ABCC1: variants seen among roughly 807,000 people sequenced by gnomAD.
ABCC1 encodes the protein multidrug resistance-associated protein 1.
In ABCC1, 83 loss-of-function variants were observed where a neutral mutation model predicts 172.9. That is an observed-to-expected ratio of 0.48 (90% confidence interval 0.40 to 0.58). ABCC1 has a LOEUF of 0.58. Ranked by LOEUF, ABCC1 falls within the 20% of genes least tolerant of loss-of-function variation. The probability of loss-of-function intolerance (pLI) is 0.00; values close to 1 mark genes in which losing one functional copy is unlikely to be tolerated. For missense variants in ABCC1, 1,817 were observed against 2,002.7 expected (o/e 0.91, Z 1.77); for synonymous variants, 937 against 825.2 (o/e 1.14, Z -2.32).
intron 5 of ABCC1, among the ~76,000 whole-genome samples, chr16:16,023,611 A>C (rs750041174): frequency 6.6e-6 from 1 of 152,158 alleles, no homozygotes; most frequent in Non-Finnish European, 1.5e-5. Flanking sequence ...ACAGACCTTG[A>C]CCACTGCCCT....
chr16:15,965,553 A>G (rs1196730671), intron 1 of ABCC1, among the ~76,000 whole-genome samples: 1 of 151,888 alleles, frequency 6.6e-6, no homozygotes, highest in African/African-American at 2.4e-5. Context: ...CGGCCTCCCA[A>G]AGTGCTGGGA....
At chr16:16,102,848 C>A in intron 20 of ABCC1, 131 bp downstream of exon 20, 1 of 797,936 alleles carries the variant, frequency 1.3e-6, no homozygotes, top group Non-Finnish European at 2.0e-6. Flanking sequence ...CCTCCCAAAT[C>A]CTCCAAGGAC....
chr16:16,071,780 C>G, intron 14 of ABCC1, 51 bp downstream of exon 14: 1 of 1,485,626 alleles, frequency 6.7e-7, no homozygotes, highest in South Asian at 1.2e-5. Context: ...TTCCCATCTC[C>G]CACTGGGTCC....
chr16:15,970,898 A>C (rs1396031545), intron 1 of ABCC1, among the ~76,000 whole-genome samples: 1 of 152,160 alleles, frequency 6.6e-6, no homozygotes, highest in African/African-American at 2.4e-5. Flanking sequence ...CCTGGCCTTC[A>C]ACTCAGTCCC....
At chr16:16,072,120 G>T (rs769511044) in intron 14 of ABCC1, among the ~76,000 whole-genome samples, 6 of 151,944 alleles carry the variant, frequency 3.9e-5, no homozygotes, top group Non-Finnish European at 8.8e-5. Flanking sequence ...TTAGGTCTGA[G>T]CCTCAGTTTT....
intron 16 of ABCC1, 92 bp from the exon 17 acceptor site, chr16:16,083,274 G>C (rs923730361): frequency 3.4e-5 from 44 of 1,279,448 alleles, no homozygotes; most frequent in Non-Finnish European, 4.8e-5. Context: ...TGTGAAGTGA[G>C]GCCCTCCTAG....
chr16:16,039,211 GTGTGTGTGTGTGTGTGTGTGTGTATGTA>G (rs1375510367), intron 7 of ABCC1, among the ~76,000 whole-genome samples: 42 of 122,990 alleles, frequency 3.4e-4, no homozygotes, highest in Non-Finnish European at 4.7e-4. Flanking sequence ...GGAAGCTTTT[GTGTGTGTGTGTGTGTGTGTGTGTATGTA>G]TGTGTGTGTG....
At chr16:15,985,531 G>A (rs371623427) in intron 1 of ABCC1, among the ~76,000 whole-genome samples, 6 of 151,780 alleles carry the variant, frequency 4.0e-5, no homozygotes, top group Non-Finnish European at 8.8e-5. Flanking sequence ...TGCATCTTCC[G>A]CCTCCTGGGT....
chr16:16,052,864 G>A (rs780061553), intron 11 of ABCC1, 48 bp downstream of exon 11: 3 of 1,573,402 alleles, frequency 1.9e-6, no homozygotes, highest in East Asian at 4.5e-5. Context: ...CTAGGCAGAG[G>A]CCTCTCCATG....
intron 22 of ABCC1, among the ~76,000 whole-genome samples, chr16:16,114,008 C>T (rs2044736082): frequency 6.6e-6 from 1 of 152,204 alleles, no homozygotes; most frequent in African/African-American, 2.4e-5. Context: ...CACCACTCAC[C>T]TCCTGCTGTG....
chr16:15,987,748 C>G (rs778538873), intron 1 of ABCC1, among the ~76,000 whole-genome samples: 1 of 152,224 alleles, frequency 6.6e-6, no homozygotes. Context: ...CTGTGCGTCC[C>G]GCACTGACTG....
chr16:16,037,388 C>T (rs73517933), intron 7 of ABCC1, among the ~76,000 whole-genome samples: 3,072 of 152,292 alleles, frequency 0.02, 95 homozygotes, highest in African/African-American at 0.07. Flanking sequence ...TGTCACTCTT[C>T]GGGAATCAGG....
intron 20 of ABCC1, among the ~76,000 whole-genome samples, chr16:16,106,033 C>T (rs933938750): frequency 6.6e-5 from 10 of 152,104 alleles, no homozygotes; most frequent in African/African-American, 1.7e-4. Flanking sequence ...CACGGTACCA[C>T]GCCTGGCTAA....
chr16:15,963,009 T>C, intron 1 of ABCC1, among the ~76,000 whole-genome samples: 1 of 152,224 alleles, frequency 6.6e-6, no homozygotes, highest in East Asian at 1.9e-4. Context: ...CCTATCAGCC[T>C]GTAAAATCAA....
intron 7 of ABCC1, among the ~76,000 whole-genome samples, chr16:16,042,985 C>T (rs2049036440): frequency 6.6e-6 from 1 of 151,886 alleles, no homozygotes. Context: ...TCTCACCCTC[C>T]CAAGTAGCTG....
intron 23 of ABCC1, among the ~76,000 whole-genome samples, chr16:16,120,010 G>A (rs1382306571): frequency 6.6e-6 from 1 of 152,094 alleles, no homozygotes; most frequent in Non-Finnish European, 1.5e-5. Flanking sequence ...AGACTGCGTG[G>A]GGTTGTGCGG....
chr16:16,116,775 G>A (rs762891818), intron 23 of ABCC1, among the ~76,000 whole-genome samples: 2 of 152,120 alleles, frequency 1.3e-5, no homozygotes, highest in Admixed American at 6.5e-5. Flanking sequence ...GGCCAGGCTA[G>A]TCTCAAACTC....
chr16:16,014,395 T>G, intron 3 of ABCC1, 96 bp from the exon 4 acceptor site: 246 of 1,405,056 alleles, frequency 1.8e-4, no homozygotes, highest in Middle Eastern at 2.5e-4. Context: ...GCAAGTGAGC[T>G]GAGATTGCAC....
chr16:16,050,445 C>T (rs776688112), intron 10 of ABCC1, among the ~76,000 whole-genome samples: 4 of 150,734 alleles, frequency 2.7e-5, no homozygotes, highest in Non-Finnish European at 2.9e-5. Context: ...GGCAACAGAG[C>T]GAGACTCTGT....
Sources: gnomAD v4.1 joint callset for allele counts (sites outside exome capture counted in the v4.1 genomes callset) on GRCh38, gnomAD v4.1.1 for gene constraint, MANE v1.5 for transcripts, NCBI Gene and HGNC (gene_info 2026-07-23, HGNC 2026-07-21) for gene names.